NUDCD3: variants seen among roughly 807,000 people sequenced by gnomAD.
NUDCD3 encodes NudC domain containing 3.
In NUDCD3, 13 loss-of-function variants were observed where a neutral mutation model predicts 39.7. The observed-to-expected ratio is 0.33, with a 90% confidence interval of 0.21 to 0.52. The LOEUF (loss-of-function observed/expected upper bound fraction) is 0.52. Among genes scored for constraint, NUDCD3 ranks in the 20% least tolerant of loss-of-function variants. The pLI, the probability that NUDCD3 is intolerant of heterozygous loss-of-function variation, is 0.96. For synonymous variants in NUDCD3, 175 were observed against 172.4 expected (o/e 1.02, Z -0.12); for missense variants, 453 against 458.1 (o/e 0.99, Z 0.10).
chr7:44,427,706 G>C lies in NUDCD3; in HGVS notation c.510-3C>G. The C allele has an allele frequency of 6.2e-7, 1 of 1,613,718 alleles. No individual in the cohort carries two copies. The highest frequency in any genetic ancestry group is 8.5e-7 in the Non-Finnish European group (1 of 1,179,860). ...TTTTCTGGAACTGCTCCTGAATCCT[G>C]AGAAAGAATAAAAAATGTGATCCCA... On this transcript the variant is annotated splice_polypyrimidine_tract_variant and splice_region_variant and intron_variant, in intron 2 of 5. Transcript: ENST00000355451.
intron 2 of NUDCD3, chr7:44,468,113 G>A (rs748348236): frequency 1.2e-6 from 2 of 1,608,888 alleles, no homozygotes; most frequent in East Asian, 2.2e-5. Context: ...GCTGCCCAGT[G>A]GCTTCCGGAA....
rs765419349 is a variant in NUDCD3, at chr7:44,386,084, T to G, written c.1013A>C (p.Glu338Ala). The change falls in exon 6 of 6, where the codon GAA (glutamate) becomes GCA (alanine). Residue 338 changes from glutamate (E) to alanine (A), a missense_variant. By Grantham distance (107) the Glu-to-Ala change is moderately radical. Coordinates refer to ENST00000355451, the MANE Select transcript of NUDCD3 (RefSeq NM_015332.4). ...TCGCTGGCCTCGGAAGGGAGAACCTTCAGCATCCCACCCCTTCTTCAGCAT... is the reference window on the plus strand; with the variant it reads ...TCGCTGGCCTCGGAAGGGAGAACCTGCAGCATCCCACCCCTTCTTCAGCAT... Reference protein sequence around the residue: ...HEMLKKGWDAEGSPFRGQRFD... With the variant: ...HEMLKKGWDAAGSPFRGQRFD... 6.2e-7 allele frequency: 1 copy of G among 1,614,040 alleles called. No homozygotes were observed. Among genetic ancestry groups the G allele is most frequent in the Admixed American group, 1.7e-5 (1 of 60,022 alleles).
rs1197811048 is a variant in NUDCD3 at position 44,379,396 on chromosome 7, C to A, written c.*6615G>T. The A allele has an allele frequency of 6.9e-6, 1 of 144,002 alleles. No homozygotes were observed. Among genetic ancestry groups the A allele is most frequent in the Non-Finnish European group, 1.5e-5 (1 of 65,866 alleles). 8.9% of individuals were successfully genotyped at this position (144,002 alleles called of 1,614,324 possible). ...CGGGGCGGGGCGGGGTGGGGGGGAA[C>A]AGGGGACAGGGGTGGTCACAGGAGT... is the stretch of plus-strand genomic sequence containing the variant. On this transcript the variant is annotated 3_prime_UTR_variant, in exon 6 of 6. Transcript: ENST00000355451.
intron 2 of NUDCD3, among the ~76,000 whole-genome samples, chr7:44,443,153 C>T (rs550862617): frequency 6.6e-6 from 1 of 152,190 alleles, no homozygotes; most frequent in African/African-American, 2.4e-5. Context: ...GCCCTACCTT[C>T]TAGAAAGAGA....
Position 44,490,508 on chromosome 7 carries a change from A to G in NUDCD3, c.93T>C (p.Phe31=), listed in dbSNP as rs1205117208. 2 of 1,611,658 alleles carry G rather than the reference A, an allele frequency of 1.2e-6. No individual in the cohort carries two copies. Among genetic ancestry groups the G allele is most frequent in the East Asian group, 2.2e-5 (1 of 44,776 alleles). ...AGTCTGTCTTGCGGTAGAGGAAGCC[A>G]AAGAGAACGCGCAGGAAATCCTGGA... ...GNVQDFLRVL[F]GFLYRKTDFY... Residue 31 remains phenylalanine (F), a synonymous_variant, in exon 1 of 6, where the codon TTT becomes TTC. Transcript: ENST00000355451.
intron 5 of NUDCD3, among the ~76,000 whole-genome samples, chr7:44,391,412 G>A (rs1206305169): frequency 6.6e-6 from 1 of 152,206 alleles, no homozygotes; most frequent in African/African-American, 2.4e-5. Context: ...GTATTAATAC[G>A]TGCTGTACCG....
At chr7:44,465,305 C>G (rs1046848889) in intron 2 of NUDCD3, among the ~76,000 whole-genome samples, 1 of 152,194 alleles carries the variant, frequency 6.6e-6, no homozygotes, top group African/African-American at 2.4e-5. Flanking sequence ...ATACAGACAG[C>G]CACAGCACAG....
chr7:44,433,644 A>T lies in NUDCD3; in HGVS notation c.510-5941T>A, dbSNP rs1477155196. On this transcript the variant is annotated intron_variant, in intron 2 of 5. Transcript: ENST00000355451. ...TACGTGCCATGGGTATGAGGCAACC[A>T]GCAGACATGGCTCACTCCCTCCCTT... Among the ~76,000 whole-genome samples, 4 of 152,194 alleles carry T rather than the reference A, an allele frequency of 2.6e-5. 1 individual carries two copies. The highest frequency in any genetic ancestry group is 5.9e-5 in the Non-Finnish European group (4 of 68,028).
intron 2 of NUDCD3, among the ~76,000 whole-genome samples, chr7:44,461,575 G>A (rs1237008414): frequency 1.3e-5 from 2 of 152,098 alleles, no homozygotes; most frequent in Middle Eastern, 3.2e-3. Context: ...TGAGTCAGCC[G>A]CAGACACATG....
intron 5 of NUDCD3, among the ~76,000 whole-genome samples, chr7:44,390,167 C>T (rs1185697235): frequency 6.6e-6 from 1 of 152,066 alleles, no homozygotes; most frequent in Admixed American, 6.5e-5. Flanking sequence ...GAGTTCGAGA[C>T]CAGCCTGGCC....
intron 3 of NUDCD3, among the ~76,000 whole-genome samples, chr7:44,424,936 T>C (rs960458462): frequency 3.9e-5 from 6 of 152,278 alleles, no homozygotes; most frequent in African/African-American, 1.2e-4. Context: ...ATGTAGCATA[T>C]ATACACCACG....
In NUDCD3 at chr7:44,386,115, G is replaced by T. The variant is rs766813840; in HGVS notation, c.982C>A (p.His328Asn). 1 of 1,614,104 alleles carries T rather than the reference G, an allele frequency of 6.2e-7. No individual in the cohort carries two copies. Among genetic ancestry groups the T allele is most frequent in the Non-Finnish European group, 8.5e-7 (1 of 1,179,966 alleles). Residue 328 changes from histidine (H) to asparagine (N), a missense_variant, in exon 6 of 6, where the codon CAT becomes AAT. Physicochemically the swap from His to Asn is moderately conservative, Grantham distance 68. Transcript: ENST00000355451. ...GKPQSHELKV[H>N]EMLKKGWDAE... ...TCCCACCCCTTCTTCAGCATCTCAT[G>T]GACTTTCTACAAACAGAAAATAGAG...
intron 2 of NUDCD3, among the ~76,000 whole-genome samples, chr7:44,450,987 G>A (rs138790897): frequency 3.9e-5 from 6 of 152,264 alleles, no homozygotes; most frequent in African/African-American, 1.4e-4. Context: ...TAATTATCCT[G>A]AAAGAAATCA....
intron 2 of NUDCD3, among the ~76,000 whole-genome samples, chr7:44,448,541 C>G (rs2116931565): frequency 6.6e-6 from 1 of 152,358 alleles, no homozygotes; most frequent in South Asian, 2.1e-4. Context: ...CTTTCCTGAT[C>G]ATCACCCAGA....
rs201524734 is a variant in NUDCD3, at chr7:44,485,057, C to G, written c.420G>C (p.Lys140Asn). 6.2e-7 allele frequency: 1 copy of G among 1,614,058 alleles called. No individual in the cohort carries two copies. The highest frequency in any genetic ancestry group is 1.1e-5 in the South Asian group (1 of 91,088). Residue 140 changes from lysine (K) to asparagine (N), a missense_variant, in exon 2 of 6, where the codon AAG becomes AAC. Physicochemically the swap from Lys to Asn is moderately conservative, Grantham distance 94 (BLOSUM62 0). Transcript: ENST00000355451. ...CCTCCTGTGAACCATGGGCCATTTC[C>G]TTCACAGGGCCTGGAGGCTGCACTT... The part of the protein sequence containing the change: ...VEKVQPPGPV[K>N]EMAHGSQEAE...
At chr7:44,433,279 T>C (rs776588124) in intron 2 of NUDCD3, among the ~76,000 whole-genome samples, 7 of 152,118 alleles carry the variant, frequency 4.6e-5, no homozygotes, top group Non-Finnish European at 8.8e-5. Context: ...TGTGTGTGTA[T>C]AGTACATGTG....
intron 2 of NUDCD3, among the ~76,000 whole-genome samples, chr7:44,443,187 T>C (rs986295896): frequency 1.1e-4 from 17 of 152,022 alleles, no homozygotes; most frequent in African/African-American, 4.1e-4. Flanking sequence ...GCACAGTTTC[T>C]AACACACTCT....
intron 3 of NUDCD3, 40 bp from the exon 4 acceptor site, chr7:44,404,623 G>A: frequency 6.2e-7 from 1 of 1,604,924 alleles, no homozygotes; most frequent in East Asian, 2.2e-5. Context: ...TCCTATCAGG[G>A]TGACCACTGG....
At chr7:44,395,486 T>C (rs767997251) in intron 4 of NUDCD3, among the ~76,000 whole-genome samples, 1 of 152,224 alleles carries the variant, frequency 6.6e-6, no homozygotes. Flanking sequence ...ATCACCTTTA[T>C]CTAGTTTCAA....
Sources: allele counts gnomAD v4.1 joint callset (sites outside exome capture counted in the v4.1 genomes callset), GRCh38; gene constraint gnomAD v4.1.1; transcripts MANE v1.5; gene names NCBI Gene and HGNC (gene_info 2026-07-23, HGNC 2026-07-21).